Variants in CACNB4 observed in about 807,000 individuals in gnomAD.
CACNB4 encodes the protein voltage-dependent L-type calcium channel subunit beta-4.
Under a neutral mutation model 71.2 loss-of-function variants are expected in CACNB4, and 32 were observed. That is an observed-to-expected ratio of 0.45 (90% CI 0.34 to 0.60). The LOEUF (loss-of-function observed/expected upper bound fraction) is 0.60. Among genes scored for constraint, CACNB4 ranks in the 20% least tolerant of loss-of-function variants. CACNB4 has a pLI of 0.01. For synonymous variants in CACNB4, 231 were observed against 236.9 expected (o/e 0.97, Z 0.23); for missense variants, 464 against 647.9 (o/e 0.72, Z 3.08).
chr2:151,994,840 C>G (rs1351457572), intron 2 of CACNB4, among the ~76,000 whole-genome samples: 2 of 150,676 alleles, frequency 1.3e-5, no homozygotes, highest in Non-Finnish European at 3.0e-5. Context: ...CAGAGTCTTG[C>G]CCATGCTGGT....
chr2:152,058,876 TC>T (rs1235494791), intron 2 of CACNB4, among the ~76,000 whole-genome samples: 1 of 152,166 alleles, frequency 6.6e-6, no homozygotes, highest in East Asian at 1.9e-4. Context: ...GTGCCCAGGA[TC>T]CCCCCTGCTG....
intron 2 of CACNB4, among the ~76,000 whole-genome samples, chr2:152,066,563 A>C (rs1183966708): frequency 3.3e-5 from 5 of 149,600 alleles, no homozygotes; most frequent in Non-Finnish European, 7.4e-5. Flanking sequence ...AAACTAGTTC[A>C]ACCATTGTGG....
intron 2 of CACNB4, among the ~76,000 whole-genome samples, chr2:151,979,794 G>T (rs1472870755): frequency 6.6e-6 from 1 of 152,194 alleles, no homozygotes; most frequent in East Asian, 1.9e-4. Context: ...CCAAGGAGAT[G>T]GTTGCAATCA....
intron 2 of CACNB4, among the ~76,000 whole-genome samples, chr2:152,051,452 A>C (rs1579203592): frequency 1.3e-5 from 2 of 152,130 alleles, no homozygotes; most frequent in South Asian, 4.1e-4. Context: ...GTTAAGCCCT[A>C]ATCTCCAGTG....
chr2:152,068,576 A>G (rs1488527477), intron 2 of CACNB4, among the ~76,000 whole-genome samples: 1 of 152,178 alleles, frequency 6.6e-6, no homozygotes, highest in African/African-American at 2.4e-5. Flanking sequence ...GTACTCTTCC[A>G]TGACTCTGGG....
chr2:151,916,939 C>T (rs1342863256), intron 2 of CACNB4, among the ~76,000 whole-genome samples: 1 of 152,180 alleles, frequency 6.6e-6, no homozygotes, highest in Non-Finnish European at 1.5e-5. Flanking sequence ...ATTATCTAGT[C>T]GGAAATGTCA....
intron 2 of CACNB4, among the ~76,000 whole-genome samples, chr2:152,019,350 G>C (rs1683527833): frequency 6.6e-6 from 1 of 152,196 alleles, no homozygotes; most frequent in Non-Finnish European, 1.5e-5. Flanking sequence ...TTGATGGTCA[G>C]TTAGCACTAA....
intron 2 of CACNB4, among the ~76,000 whole-genome samples, chr2:151,893,742 T>A: frequency 6.6e-6 from 1 of 152,016 alleles, no homozygotes; most frequent in Non-Finnish European, 1.5e-5. Context: ...TCTGACTACA[T>A]AAAAATCTTA....
chr2:151,901,604 A>G (rs1359315902), intron 2 of CACNB4, among the ~76,000 whole-genome samples: 2 of 152,232 alleles, frequency 1.3e-5, no homozygotes, highest in Admixed American at 6.5e-5. Context: ...CCTCCTTACT[A>G]GAAAAGATCA....
intron 2 of CACNB4, among the ~76,000 whole-genome samples, chr2:152,005,827 T>C (rs1380712665): frequency 6.6e-6 from 1 of 152,226 alleles, no homozygotes; most frequent in Non-Finnish European, 1.5e-5. Context: ...ACTTCCCCTT[T>C]CTGCACCTCC....
chr2:151,972,096 T>C (rs1313606363), intron 2 of CACNB4: 2 of 158,892 alleles, frequency 1.3e-5, no homozygotes, highest in African/African-American at 2.4e-5. Context: ...AAAAATGTTT[T>C]CATACTTATA....
intron 2 of CACNB4, among the ~76,000 whole-genome samples, chr2:151,992,185 G>T (rs1560114946): frequency 6.6e-6 from 1 of 152,178 alleles, no homozygotes; most frequent in East Asian, 1.9e-4. Context: ...AGGCAAACAG[G>T]CTGGATGCAT....
In CACNB4 at chr2:151,838,143, T is replaced by C. The variant is rs1198470096; in HGVS notation, c.*976A>G. ...TAAGTGAAATAGATGAATTCCCACC[T>C]GGAAGTGTTTAGCATTGCACTCGGG... On this transcript the variant is annotated 3_prime_UTR_variant, in exon 14 of 14. Transcript: ENST00000539935. 2 of 152,536 alleles carry C rather than the reference T, an allele frequency of 1.3e-5. No individual in the cohort carries two copies. Among genetic ancestry groups the C allele is most frequent in the Non-Finnish European group, 2.9e-5 (2 of 68,018 alleles). The allele number at this position is 152,536 out of a possible 1,614,324, so 9.4% of individuals were successfully genotyped here. A position where few individuals can be genotyped will look rare whatever the true frequency, so the allele number is the denominator to read the frequency against.
chr2:151,923,844 G>GA (rs1461633819), intron 2 of CACNB4, among the ~76,000 whole-genome samples: 1 of 152,076 alleles, frequency 6.6e-6, no homozygotes, highest in African/African-American at 2.4e-5. Context: ...ATTGTTTCCT[G>GA]ATTTCATGGA....
At chr2:151,861,591 C>T (rs1342835599) in intron 9 of CACNB4, 2 of 152,006 alleles carry the variant, frequency 1.3e-5, no homozygotes, top group Non-Finnish European at 2.9e-5. Context: ...GCCTGTAATC[C>T]CAGCACTTTG....
intron 4 of CACNB4, among the ~76,000 whole-genome samples, chr2:151,877,995 G>A (rs935989808): frequency 6.6e-6 from 1 of 152,052 alleles, no homozygotes; most frequent in African/African-American, 2.4e-5. Context: ...CTACAAAATA[G>A]ATACCAGCTC....
chr2:151,993,690 G>A (rs977939901), intron 2 of CACNB4, among the ~76,000 whole-genome samples: 7 of 151,180 alleles, frequency 4.6e-5, no homozygotes, highest in Non-Finnish European at 7.4e-5. Context: ...TCAGCCTCCC[G>A]AGTAGCTGGG....
chr2:152,076,519 A>G (rs889021486), intron 2 of CACNB4, among the ~76,000 whole-genome samples: 1 of 151,978 alleles, frequency 6.6e-6, no homozygotes, highest in African/African-American at 2.4e-5. Flanking sequence ...GCTCGAAACT[A>G]TGGGTCCATG....
chr2:152,035,630 C>CTCTCTCTCTCT (rs1553818021), intron 2 of CACNB4, among the ~76,000 whole-genome samples: 14 of 93,290 alleles, frequency 1.5e-4, no homozygotes, highest in African/African-American at 5.2e-4. Flanking sequence ...CCTCCCTCTC[C>CTCTCTCTCTCT]CTCTCTCTCT....
Sources: allele counts gnomAD v4.1 joint callset (sites outside exome capture counted in the v4.1 genomes callset), GRCh38; gene constraint gnomAD v4.1.1; transcripts MANE v1.5; gene names NCBI Gene and HGNC (gene_info 2026-07-23, HGNC 2026-07-21).